CMC1: variants seen among roughly 807,000 people sequenced by gnomAD.
The protein encoded by CMC1 is COX assembly mitochondrial protein homolog.
In CMC1, 14 loss-of-function variants were observed where a neutral mutation model predicts 14.1. The observed-to-expected ratio is 0.99, with a 90% CI of 0.66 to 1.55. The LOEUF (loss-of-function observed/expected upper bound fraction) is 1.55, where lower values mean the gene tolerates loss of function less well. Ranked by LOEUF, CMC1 falls within the 40% of genes most tolerant of loss-of-function variation. The pLI, the probability that CMC1 is intolerant of heterozygous loss-of-function variation, is 0.00. For synonymous variants in CMC1, 50 were observed against 38.4 expected, an observed-to-expected ratio of 1.30 and a Z score of -1.12; for missense variants, 127 against 123.8, an observed-to-expected ratio of 1.03 and a Z score of -0.12.
intron 2 of CMC1, among the ~76,000 whole-genome samples, chr3:28,290,105 CAGTT>C (rs1156399409): frequency 6.6e-6 from 1 of 152,084 alleles, no homozygotes; most frequent in Non-Finnish European, 1.5e-5. Flanking sequence ...TATGAAAGTA[CAGTT>C]ATACTTCCCC....
intron 2 of CMC1, among the ~76,000 whole-genome samples, chr3:28,269,800 A>T (rs1700192546): frequency 6.6e-6 from 1 of 152,302 alleles, no homozygotes; most frequent in Admixed American, 6.5e-5. Flanking sequence ...TCCTGACCTC[A>T]GGTGATCTGC....
chr3:28,312,307 AATC>A (rs1186819144), intron 2 of CMC1, among the ~76,000 whole-genome samples: 2 of 152,226 alleles, frequency 1.3e-5, no homozygotes, highest in Non-Finnish European at 2.9e-5. Flanking sequence ...TCATTTTAAA[AATC>A]AAATTAATGG....
chr3:28,257,202 A>G (rs913877678), intron 1 of CMC1, among the ~76,000 whole-genome samples: 1 of 152,180 alleles, frequency 6.6e-6, no homozygotes, highest in African/African-American at 2.4e-5. Flanking sequence ...CAGATCTTAA[A>G]TGAGTTTTCA....
intron 2 of CMC1, among the ~76,000 whole-genome samples, chr3:28,291,421 A>G (rs1701463716): frequency 6.6e-6 from 1 of 151,950 alleles, no homozygotes; most frequent in Admixed American, 6.6e-5. Flanking sequence ...AAAATTTTTC[A>G]TTTGAATTTT....
chr3:28,315,364 A>G (rs944660040), intron 2 of CMC1, among the ~76,000 whole-genome samples: 1 of 152,200 alleles, frequency 6.6e-6, no homozygotes, highest in African/African-American at 2.4e-5. Context: ...AGAGCAAACT[A>G]GCAGAGTGGA....
At chr3:28,302,151 G>A (rs1702085940) in intron 2 of CMC1, among the ~76,000 whole-genome samples, 1 of 152,186 alleles carries the variant, frequency 6.6e-6, no homozygotes, top group African/African-American at 2.4e-5. Context: ...CTTATTGCCA[G>A]AATGGGCTGT....
chr3:28,284,296 C>T (rs1701055609), intron 2 of CMC1, among the ~76,000 whole-genome samples: 1 of 152,094 alleles, frequency 6.6e-6, no homozygotes, highest in Non-Finnish European at 1.5e-5. Context: ...TTCATATCTT[C>T]CCTGGTGAAG....
chr3:28,315,311 G>C (rs1450339864), intron 2 of CMC1: 3 of 152,166 alleles, frequency 2.0e-5, no homozygotes, highest in Non-Finnish European at 4.4e-5. Flanking sequence ...CTGGGTTTGT[G>C]GTCCTGAAAA....
chr3:28,303,729 A>C (rs1014562264), intron 2 of CMC1, among the ~76,000 whole-genome samples: 64 of 152,178 alleles, frequency 4.2e-4, no homozygotes, highest in African/African-American at 1.4e-3. Flanking sequence ...CAATTAATTC[A>C]CTTATTCAGC....
chr3:28,298,334 G>C (rs1701850790), intron 2 of CMC1: 1 of 151,456 alleles, frequency 6.6e-6, no homozygotes, highest in Non-Finnish European at 1.5e-5. Context: ...TAAGACACTA[G>C]GAAAAGCACA....
In CMC1 at chr3:28,248,850, C is replaced by T. The variant is rs202163254; in HGVS notation, c.19+7038C>T. 3.9e-5 allele frequency among the ~76,000 whole-genome samples: 6 copies of T among 152,078 alleles called. No homozygotes were observed. In the East Asian group the frequency reaches 9.6e-4, roughly 24 times the overall value. On this transcript the variant is annotated intron_variant, in intron 1 of 3. Coordinates refer to ENST00000466830, the MANE Select transcript of CMC1 (RefSeq NM_182523.2). ...TGTTGCCCAGGCTGGAGTGCAGTGG[C>T]GTGATCTCAGCTCACTGCAAGCTCC...
chr3:28,253,625 C>A (rs1168593937), intron 1 of CMC1: 18 of 542,066 alleles, frequency 3.3e-5, no homozygotes, highest in Non-Finnish European at 4.7e-5. Context: ...AAAACTCCCC[C>A]CAAAAAGCTA....
At chr3:28,275,539 C>T (rs773988166) in intron 2 of CMC1, among the ~76,000 whole-genome samples, 5 of 151,888 alleles carry the variant, frequency 3.3e-5, no homozygotes, top group Admixed American at 6.6e-5. Flanking sequence ...CCAGTGGGAA[C>T]GCTTCTGTAT....
intron 2 of CMC1, among the ~76,000 whole-genome samples, chr3:28,282,591 C>T (rs1310001532): frequency 6.6e-6 from 1 of 152,048 alleles, no homozygotes; most frequent in African/African-American, 2.4e-5. Context: ...AATAGCTAAA[C>T]ACAGTTTAAT....
At chr3:28,296,482 A>G (rs1185424480) in intron 2 of CMC1, among the ~76,000 whole-genome samples, 1 of 151,942 alleles carries the variant, frequency 6.6e-6, no homozygotes, top group East Asian at 1.9e-4. Context: ...ATTTCTCTTT[A>G]TTTCAGTCAA....
intron 1 of CMC1, among the ~76,000 whole-genome samples, chr3:28,250,059 C>T (rs549892892): frequency 1.3e-5 from 2 of 152,108 alleles, no homozygotes; most frequent in South Asian, 2.1e-4. Flanking sequence ...CCTTTATGAC[C>T]GCATTTGACC....
chr3:28,255,935 A>G (rs1401895567), intron 1 of CMC1, among the ~76,000 whole-genome samples: 1 of 152,104 alleles, frequency 6.6e-6, no homozygotes, highest in African/African-American at 2.4e-5. Flanking sequence ...CGAAATAGAT[A>G]GGGTCATTGA....
At chr3:28,305,381 TA>T (rs1702255364) in intron 2 of CMC1, among the ~76,000 whole-genome samples, 1 of 152,212 alleles carries the variant, frequency 6.6e-6, no homozygotes, top group Admixed American at 6.5e-5. Context: ...AGTGCCGCAA[TA>T]AACATACAAG....
intron 1 of CMC1, among the ~76,000 whole-genome samples, chr3:28,255,283 T>TA (rs1188104111): frequency 6.7e-6 from 1 of 148,710 alleles, no homozygotes; most frequent in Non-Finnish European, 1.5e-5. Context: ...CTCTGTCTCC[T>TA]AGGCTGGAGT....
Sources: gnomAD v4.1 joint callset for allele counts (sites outside exome capture counted in the v4.1 genomes callset) on GRCh38, gnomAD v4.1.1 for gene constraint, MANE v1.5 for transcripts, NCBI Gene and HGNC (gene_info 2026-07-23, HGNC 2026-07-21) for gene names.